The following MSI2 variants were observed in gnomAD, a reference collection of about 807,000 sequenced individuals.
MSI2 encodes RNA-binding protein Musashi homolog 2.
A neutral mutation model predicts 45.6 loss-of-function variants in MSI2; 17 were observed. The observed-to-expected ratio is 0.37, with a 90% CI of 0.26 to 0.56. The LOEUF (loss-of-function observed/expected upper bound fraction) is 0.56. MSI2 is among the 20% of genes least tolerant of loss of function. The pLI, the probability that MSI2 is intolerant of heterozygous loss-of-function variation, is 0.77. For synonymous variants in MSI2, 156 were observed against 158.2 expected (o/e 0.99, Z 0.11); for missense variants, 293 against 444.2 (o/e 0.66, Z 3.06).
intron 5 of MSI2, among the ~76,000 whole-genome samples, chr17:57,270,780 T>G (rs751075896): frequency 2.6e-5 from 4 of 152,124 alleles, no homozygotes; most frequent in Non-Finnish European, 4.4e-5. Context: ...CCCCGAAAAA[T>G]GTCCCTGCCC....
chr17:57,685,124 G>GACCTAGAAAA (rs1470854032), downstream of MSI2, among the ~76,000 whole-genome samples: 2 of 152,126 alleles, frequency 1.3e-5, no homozygotes, highest in African/African-American at 2.4e-5. Flanking sequence ...ATAGGTATCA[G>GACCTAGAAAA]ACCTCTGCCC....
chr17:57,580,380 C>T (rs2088168302), intron 7 of MSI2, among the ~76,000 whole-genome samples: 1 of 152,202 alleles, frequency 6.6e-6, no homozygotes, highest in Non-Finnish European at 1.5e-5. Flanking sequence ...TACCTTGACC[C>T]CTGGCATTTG....
At chr17:57,453,323 T>C (rs1165192678) in intron 6 of MSI2, among the ~76,000 whole-genome samples, 2 of 152,108 alleles carry the variant, frequency 1.3e-5, no homozygotes, top group East Asian at 3.9e-4. Context: ...TGCTTTTGCT[T>C]GTGGTCACTT....
At chr17:57,264,650 G>T (rs1907614250) in intron 5 of MSI2, 1 of 152,216 alleles carries the variant, frequency 6.6e-6, no homozygotes, top group Non-Finnish European at 1.5e-5. Flanking sequence ...TAATTCTCAT[G>T]CAGCCCTATG....
In MSI2 at chr17:57,679,654, A is replaced by G; in HGVS notation, c.*137A>G. 6 of 1,033,270 alleles carry G rather than the reference A, an allele frequency of 5.8e-6. No homozygotes were observed. The highest frequency in any genetic ancestry group is 7.1e-6 in the Non-Finnish European group (6 of 849,902). 64.0% of individuals were successfully genotyped at this position (1,033,270 alleles called of 1,614,324 possible). A position where few individuals can be genotyped will look rare whatever the true frequency, so the allele number is the denominator to read the frequency against. Reference sequence around the variant, plus strand: ...CCCACCAGCCTCACTCCCCATCCCAACCAGAGATGGCTCACTTCGGATCGA... The same window carrying G: ...CCCACCAGCCTCACTCCCCATCCCAGCCAGAGATGGCTCACTTCGGATCGA... On this transcript the variant is annotated 3_prime_UTR_variant, in exon 14 of 14. Transcript: ENST00000284073.
chr17:57,517,437 C>T (rs2143981552), intron 6 of MSI2, among the ~76,000 whole-genome samples: 1 of 152,334 alleles, frequency 6.6e-6, no homozygotes, highest in East Asian at 1.9e-4. Flanking sequence ...TTTCAGGCAT[C>T]TAAGTGCTAC....
intron 5 of MSI2, among the ~76,000 whole-genome samples, chr17:57,305,450 ATCT>A (rs1911799164): frequency 6.6e-6 from 1 of 152,184 alleles, no homozygotes; most frequent in South Asian, 2.1e-4. Flanking sequence ...TAATAAATTA[ATCT>A]TCTGGGAAAA....
chr17:57,303,173 G>A (rs964447140), intron 5 of MSI2, among the ~76,000 whole-genome samples: 3 of 152,194 alleles, frequency 2.0e-5, no homozygotes, highest in Non-Finnish European at 2.9e-5. Flanking sequence ...TAGCTTTGGC[G>A]GGGGCGGTCT....
intron 5 of MSI2, among the ~76,000 whole-genome samples, chr17:57,273,528 A>C (rs1280358410): frequency 3.9e-5 from 1 of 25,872 alleles, no homozygotes; most frequent in Non-Finnish European, 7.1e-5. Flanking sequence ...CATAGTGGGG[A>C]TGTGGGTGGG....
chr17:57,409,783 C>T (rs931369477), intron 6 of MSI2, among the ~76,000 whole-genome samples: 12 of 151,792 alleles, frequency 7.9e-5, no homozygotes, highest in South Asian at 4.2e-4. Flanking sequence ...CCAAGGCGGG[C>T]GAATCATGAG....
intron 5 of MSI2, among the ~76,000 whole-genome samples, chr17:57,400,073 T>C (rs1479671773): frequency 6.6e-6 from 1 of 152,238 alleles, no homozygotes; most frequent in Admixed American, 6.5e-5. Context: ...GTTGATTATA[T>C]GCCAACAAAC....
At chr17:57,554,039 T>A (rs897378529) in intron 7 of MSI2, among the ~76,000 whole-genome samples, 1 of 151,836 alleles carries the variant, frequency 6.6e-6, no homozygotes, top group African/African-American at 2.4e-5. Context: ...ACTAGAGAGG[T>A]TTGCAAAGCT....
At chr17:57,631,829 T>C (rs1413773681) in intron 10 of MSI2, 2 of 1,613,674 alleles carry the variant, frequency 1.2e-6, no homozygotes, top group Non-Finnish European at 1.7e-6. Context: ...TTTTATCAAC[T>C]AGCTCTTAAG....
intron 10 of MSI2, among the ~76,000 whole-genome samples, chr17:57,634,474 A>AG (rs1181946900): frequency 6.8e-6 from 1 of 147,220 alleles, no homozygotes; most frequent in Non-Finnish European, 1.5e-5. Flanking sequence ...TCAAAAAAAA[A>AG]AGAGAGAGAG....
In MSI2 at chr17:57,256,686, G is replaced by A; in HGVS notation, c.-57G>A. On this transcript the variant is annotated 5_prime_UTR_variant, in exon 1 of 14. Coordinates refer to ENST00000284073, the MANE Select transcript of MSI2 (RefSeq NM_138962.4). ...GGGGCTCGGAGCCGGCCGCCGCTCC[G>A]CTCCGATCGCTGTGGGGCTTGGTTT... The A allele has an allele frequency of 1.3e-6, 1 of 770,332 alleles. No individual in the cohort carries two copies. The highest frequency in any genetic ancestry group is 1.8e-6 in the Non-Finnish European group (1 of 564,308). 47.7% of individuals were successfully genotyped at this position (770,332 alleles called of 1,614,324 possible).
intron 5 of MSI2, among the ~76,000 whole-genome samples, chr17:57,348,826 G>A (rs1915811994): frequency 1.3e-5 from 2 of 152,216 alleles, no homozygotes; most frequent in South Asian, 2.1e-4. Flanking sequence ...TTAGGTTGGT[G>A]TCCTTCTCTT....
rs145439776 is a variant in MSI2 at position 57,400,172 on chromosome 17, C to T, written c.313-1207C>T. Among the ~76,000 whole-genome samples the T allele has an allele frequency of 2.4e-3, 368 of 150,876 alleles. 1 individual carries two copies. Among genetic ancestry groups the T allele is most frequent in the African/African-American group, 8.8e-3 (360 of 41,042 alleles). On this transcript the variant is annotated intron_variant, in intron 5 of 13. Coordinates refer to ENST00000284073, the MANE Select transcript of MSI2 (RefSeq NM_138962.4). The stretch of plus-strand genomic sequence containing the variant: ...CATAGCCTAAACTCAGTCTTTAGAA[C>T]GAAATTTATTTTCTTGATTTTGGCT...
At chr17:57,262,950 A>G (rs1907454651) in intron 5 of MSI2, among the ~76,000 whole-genome samples, 1 of 152,228 alleles carries the variant, frequency 6.6e-6, no homozygotes, top group African/African-American at 2.4e-5. Flanking sequence ...CTTACATGTT[A>G]CATTTACACT....
chr17:57,674,273 A>AGGGGGG (rs201099133), intron 11 of MSI2, among the ~76,000 whole-genome samples: 1 of 2,836 alleles, frequency 3.5e-4, no homozygotes, highest in Non-Finnish European at 6.1e-4. Context: ...GCCAGTGGGG[A>AGGGGGG]GGGGCGGGTG....
Sources: gnomAD v4.1 joint callset for allele counts (sites outside exome capture counted in the v4.1 genomes callset) on GRCh38, gnomAD v4.1.1 for gene constraint, MANE v1.5 for transcripts, NCBI Gene and HGNC (gene_info 2026-07-23, HGNC 2026-07-21) for gene names.